The following DLGAP1 variants were observed in gnomAD, a reference collection of about 807,000 sequenced individuals.
DLGAP1 encodes DLG associated protein 1.
A neutral mutation model predicts 90.8 loss-of-function variants in DLGAP1; 11 were observed. The observed-to-expected ratio is 0.12, with a 90% CI of 0.08 to 0.20. DLGAP1 has a LOEUF of 0.20. Ranked by LOEUF, DLGAP1 falls within the 10% of genes least tolerant of loss-of-function variation. DLGAP1 has a pLI of 1.00. For missense variants in DLGAP1, 1,050 were observed against 1,333.8 expected, an observed-to-expected ratio of 0.79 and a Z score of 3.31; for synonymous variants, 558 against 540.7, an observed-to-expected ratio of 1.03 and a Z score of -0.44.
intron 10 of DLGAP1, among the ~76,000 whole-genome samples, chr18:3,529,537 A>G (rs1228717587): frequency 6.6e-6 from 1 of 152,222 alleles, no homozygotes; most frequent in Non-Finnish European, 1.5e-5. Context: ...GAATTTCCAG[A>G]ATATTTCAAG....
At chr18:3,530,579 T>C (rs576168237) in intron 10 of DLGAP1, among the ~76,000 whole-genome samples, 1 of 152,306 alleles carries the variant, frequency 6.6e-6, no homozygotes, top group South Asian at 2.1e-4. Context: ...GCATTTTTCC[T>C]AGGAAAATCT....
chr18:4,369,690 C>T (rs2081869614), intron 1 of DLGAP1, among the ~76,000 whole-genome samples: 1 of 151,320 alleles, frequency 6.6e-6, no homozygotes, highest in South Asian at 2.1e-4. Flanking sequence ...GAAATTTTGC[C>T]CAGAGTGAAA....
intron 3 of DLGAP1, among the ~76,000 whole-genome samples, chr18:3,971,950 A>C (rs571288646): frequency 2.6e-5 from 4 of 152,182 alleles, no homozygotes; most frequent in Admixed American, 6.5e-5. Flanking sequence ...CAGTTGAGTA[A>C]GGGAGGATCC....
At chr18:4,025,757 T>C (rs1036952547) in intron 2 of DLGAP1, among the ~76,000 whole-genome samples, 1 of 152,184 alleles carries the variant, frequency 6.6e-6, no homozygotes, top group Non-Finnish European at 1.5e-5. Context: ...AAGCCATATA[T>C]ATACAATTTA....
chr18:3,827,150 T>C (rs1443877273), intron 4 of DLGAP1, among the ~76,000 whole-genome samples: 4 of 152,152 alleles, frequency 2.6e-5, no homozygotes, highest in Admixed American at 6.5e-5. Flanking sequence ...GCTTACTATC[T>C]AAGACTGGGG....
At chr18:4,039,000 A>G (rs992449583) in intron 2 of DLGAP1, among the ~76,000 whole-genome samples, 1 of 152,128 alleles carries the variant, frequency 6.6e-6, no homozygotes, top group African/African-American at 2.4e-5. Context: ...GGTCAAGCAC[A>G]CAAGCACACA....
At chr18:4,069,529 C>G (rs539351107) in intron 2 of DLGAP1, among the ~76,000 whole-genome samples, 4 of 152,082 alleles carry the variant, frequency 2.6e-5, no homozygotes, top group African/African-American at 9.7e-5. Flanking sequence ...GTATTGTCCT[C>G]GAGACAGTGG....
intron 1 of DLGAP1, among the ~76,000 whole-genome samples, chr18:4,225,443 C>G (rs538194011): frequency 1.3e-5 from 2 of 151,936 alleles, no homozygotes; most frequent in South Asian, 4.2e-4. Context: ...CATGACCTCA[C>G]CAAATGAACT....
intron 10 of DLGAP1, 92 bp downstream of exon 10, chr18:3,534,102 T>G (rs1232872475): frequency 7.1e-7 from 1 of 1,407,882 alleles, no homozygotes; most frequent in Non-Finnish European, 9.7e-7. Flanking sequence ...GTTATACAAG[T>G]GAAGCTGGCA....
chr18:4,249,548 C>T (rs955177665), intron 1 of DLGAP1, among the ~76,000 whole-genome samples: 5 of 151,576 alleles, frequency 3.3e-5, no homozygotes, highest in Admixed American at 6.6e-5. Flanking sequence ...GTACAGTAAC[C>T]GTTCAGTAAT....
intron 9 of DLGAP1, among the ~76,000 whole-genome samples, chr18:3,558,772 G>A (rs2053905677): frequency 6.6e-6 from 1 of 151,882 alleles, no homozygotes; most frequent in Admixed American, 6.6e-5. Context: ...TTTAAAGTGG[G>A]TTTCTTGTAG....
At chr18:4,385,888 A>G (rs558872034) in intron 1 of DLGAP1, among the ~76,000 whole-genome samples, 3 of 152,298 alleles carry the variant, frequency 2.0e-5, no homozygotes, top group South Asian at 4.1e-4. Context: ...TGTTGAAATC[A>G]CTTTTGTAGA....
At chr18:4,347,594 G>A (rs2081323338) in intron 1 of DLGAP1, among the ~76,000 whole-genome samples, 1 of 151,932 alleles carries the variant, frequency 6.6e-6, no homozygotes, top group Non-Finnish European at 1.5e-5. Flanking sequence ...CATATATGCT[G>A]AAAGGCCTTA....
At chr18:4,080,557 G>A (rs2075590825) in intron 2 of DLGAP1, among the ~76,000 whole-genome samples, 1 of 152,248 alleles carries the variant, frequency 6.6e-6, no homozygotes, top group Non-Finnish European at 1.5e-5. Context: ...GGCTTTCTCT[G>A]AGGCCTTGTT....
At chr18:3,789,120 C>T (rs1327478546) in intron 5 of DLGAP1, among the ~76,000 whole-genome samples, 6 of 152,196 alleles carry the variant, frequency 3.9e-5, no homozygotes, top group South Asian at 2.1e-4. Flanking sequence ...ATTGAGCCCT[C>T]GCTGTGAGTC....
intron 2 of DLGAP1, among the ~76,000 whole-genome samples, chr18:4,041,247 G>A (rs1261665968): frequency 6.6e-6 from 1 of 152,142 alleles, no homozygotes; most frequent in East Asian, 1.9e-4. Flanking sequence ...GTAGTTGGTT[G>A]ATGCTTATTT....
At chr18:4,392,915 TAA>T (rs1480724795) in intron 1 of DLGAP1, among the ~76,000 whole-genome samples, 1 of 152,154 alleles carries the variant, frequency 6.6e-6, no homozygotes, top group African/African-American at 2.4e-5. Context: ...ACCAGAAATG[TAA>T]AAGTCATCTT....
intron 5 of DLGAP1, among the ~76,000 whole-genome samples, chr18:3,756,747 C>G (rs546718852): frequency 7.3e-5 from 11 of 151,530 alleles, no homozygotes; most frequent in Admixed American, 7.2e-4. Flanking sequence ...AACAAATGAT[C>G]AGAATTAGAA....
chr18:4,236,929 T>C (rs975487041), intron 1 of DLGAP1, among the ~76,000 whole-genome samples: 2 of 152,164 alleles, frequency 1.3e-5, no homozygotes, highest in African/African-American at 2.4e-5. Flanking sequence ...GGGAAAAACA[T>C]ATAAACAGTT....
Sources: allele counts gnomAD v4.1 joint callset (sites outside exome capture counted in the v4.1 genomes callset), GRCh38; gene constraint gnomAD v4.1.1; transcripts MANE v1.5; gene names NCBI Gene and HGNC (gene_info 2026-07-23, HGNC 2026-07-21).